The following PDE4D variants were observed in gnomAD, a reference collection of about 807,000 sequenced individuals.
The protein encoded by PDE4D is 3',5'-cyclic-AMP phosphodiesterase 4D.
In PDE4D, 24 loss-of-function variants were observed where a neutral mutation model predicts 87.4. The ratio of observed to expected loss-of-function variants is 0.27; its 90% CI spans 0.20 to 0.39. The LOEUF is 0.39. Among genes scored for constraint, PDE4D ranks in the 10% least tolerant of loss-of-function variants. The pLI is 1.00. For missense variants in PDE4D, 714 were observed against 1,041.0 expected, an observed-to-expected ratio of 0.69 and a Z score of 4.32; for synonymous variants, 384 against 383.2, an observed-to-expected ratio of 1.00 and a Z score of -0.02.
intron 1 of PDE4D, among the ~76,000 whole-genome samples, chr5:59,506,910 A>T (rs1809365002): frequency 6.6e-6 from 1 of 152,222 alleles, no homozygotes; most frequent in Non-Finnish European, 1.5e-5. Flanking sequence ...CCTCATAATC[A>T]AGCAATTCCA....
chr5:59,724,841 T>C (rs1457559510), intron 1 of PDE4D, among the ~76,000 whole-genome samples: 1 of 152,172 alleles, frequency 6.6e-6, no homozygotes, highest in Non-Finnish European at 1.5e-5. Flanking sequence ...TTATTTTTGT[T>C]TTTGCTGAAG....
At chr5:59,925,274 G>A (rs1287749665) in intron 3 of PDE4D, among the ~76,000 whole-genome samples, 1 of 151,706 alleles carries the variant, frequency 6.6e-6, no homozygotes, top group Non-Finnish European at 1.5e-5. Flanking sequence ...GTTTGTTTAT[G>A]CAATCAGTTT....
rs902519218 is a variant in PDE4D at position 60,215,644 on chromosome 5, A to G, written c.-89-29957T>C. Reference sequence around the variant, plus strand: ...ATGTTTAGGGACGTATCTTTTATCTACTTCTTAAAGTGTGATCCCTGGACA... The same window carrying G: ...ATGTTTAGGGACGTATCTTTTATCTGCTTCTTAAAGTGTGATCCCTGGACA... On this transcript the variant is annotated intron_variant, in intron 1 of 16. Transcript: ENST00000502484. Among the ~76,000 whole-genome samples, 4 of 152,112 alleles carry G rather than the reference A, an allele frequency of 2.6e-5. No individual in the cohort carries two copies. In the South Asian group the frequency reaches 8.3e-4, roughly 31 times the overall value.
At chr5:59,345,541 C>T (rs998780918) in intron 1 of PDE4D, among the ~76,000 whole-genome samples, 1 of 152,118 alleles carries the variant, frequency 6.6e-6, no homozygotes, top group African/African-American at 2.4e-5. Context: ...ACATAGTATT[C>T]ATCATGAGGA....
In PDE4D at chr5:60,107,495, C is replaced by T. The variant is rs544899817; in HGVS notation, c.42+78062G>A. Among the ~76,000 whole-genome samples, 1,090 of 152,308 alleles carry T rather than the reference C, an allele frequency of 7.2e-3. 12 individuals are homozygous for T. The highest frequency in any genetic ancestry group is 0.025 in the African/African-American group (1,045 of 41,556). ...TCAATAGAAAAAGAGGGAATCCTCC[C>T]TAACTCATTTGATGAGGCCAGCATC... On this transcript the variant is annotated intron_variant, in intron 2 of 16. Coordinates refer to the PDE4D transcript ENST00000502484.
chr5:60,099,182 G>A lies in PDE4D; in HGVS notation c.42+86375C>T, dbSNP rs930767963. Among the ~76,000 whole-genome samples the A allele has an allele frequency of 5.9e-5, 9 of 152,008 alleles. No individual in the cohort carries two copies. The South Asian group carries it at 1.0e-3, about 18-fold the overall frequency. ...AGAAATCTGCTTGTAGCCTTTGTGAGTACCCTTCCATGTGATGAGTAGTTT... is the reference window on the plus strand; with the variant it reads ...AGAAATCTGCTTGTAGCCTTTGTGAATACCCTTCCATGTGATGAGTAGTTT... On this transcript the variant is annotated intron_variant, in intron 2 of 16. Coordinates refer to the PDE4D transcript ENST00000502484.
chr5:59,932,572 C>A (rs1448614615), intron 3 of PDE4D, among the ~76,000 whole-genome samples: 1 of 152,188 alleles, frequency 6.6e-6, no homozygotes, highest in Non-Finnish European at 1.5e-5. Context: ...GGTAATCTGA[C>A]TTTCAAGTTT....
rs952136783 is a variant in PDE4D at position 59,661,058 on chromosome 5, C to T, written c.455+232110G>A. 6.4e-5 allele frequency among the ~76,000 whole-genome samples: 8 copies of T among 125,652 alleles called. No homozygotes were observed. The East Asian group carries it at 1.8e-3, about 28-fold the overall frequency. 82.4% of individuals were successfully genotyped at this position (125,652 alleles called of 152,430 possible). A position where few individuals can be genotyped will look rare whatever the true frequency, so the allele number is the denominator to read the frequency against. ...TCCCAGGAGCAGTTTGCCAGCACTG[C>T]ATTTTCATGATAATATTATATATAT... On this transcript the variant is annotated intron_variant, in intron 1 of 14. Coordinates refer to ENST00000340635, the MANE Select transcript of PDE4D (RefSeq NM_001104631.2).
intron 1 of PDE4D, among the ~76,000 whole-genome samples, chr5:59,434,668 A>C (rs1198074635): frequency 6.6e-6 from 1 of 152,082 alleles, no homozygotes; most frequent in African/African-American, 2.4e-5. Flanking sequence ...TAGCTAGTTC[A>C]TTTGAGCATT....
intron 1 of PDE4D, among the ~76,000 whole-genome samples, chr5:59,636,484 A>C (rs1339852386): frequency 1.3e-5 from 2 of 152,104 alleles, no homozygotes; most frequent in East Asian, 1.9e-4. Context: ...GGAAGCATCA[A>C]GCTACCTGAC....
At chr5:59,980,482 G>A (rs142270155) in intron 3 of PDE4D, among the ~76,000 whole-genome samples, 158 of 152,300 alleles carry the variant, frequency 1.0e-3, no homozygotes, top group Non-Finnish European at 7.4e-4. Context: ...TGAAAATAGG[G>A]ACTAGATGCT....
intron 1 of PDE4D, among the ~76,000 whole-genome samples, chr5:60,229,466 GT>G (rs1459614216): frequency 3.9e-5 from 6 of 152,212 alleles, no homozygotes; most frequent in East Asian, 1.9e-4. Flanking sequence ...GATTGCTAAA[GT>G]TTTTTACGCT....
intron 2 of PDE4D, among the ~76,000 whole-genome samples, chr5:60,148,052 G>T (rs950464555): frequency 6.6e-6 from 1 of 152,148 alleles, no homozygotes; most frequent in African/African-American, 2.4e-5. Flanking sequence ...GATCACTGGA[G>T]GCCATCTTGG....
intron 2 of PDE4D, among the ~76,000 whole-genome samples, chr5:60,134,917 G>A (rs1221162426): frequency 6.6e-6 from 1 of 152,084 alleles, no homozygotes; most frequent in Admixed American, 6.5e-5. Flanking sequence ...AAAGGATTCA[G>A]GATTTACACC....
chr5:60,363,982 C>T (rs1760306364), intron 1 of PDE4D, among the ~76,000 whole-genome samples: 3 of 152,090 alleles, frequency 2.0e-5, no homozygotes, highest in Admixed American at 2.0e-4. Context: ...CATGGGCTGG[C>T]CCAAGTAGGT....
intron 5 of PDE4D, among the ~76,000 whole-genome samples, chr5:59,094,718 T>C (rs1308011331): frequency 6.6e-6 from 1 of 152,204 alleles, no homozygotes; most frequent in Non-Finnish European, 1.5e-5. Context: ...ATTTTTAACA[T>C]AGAATCCAAT....
At chr5:59,707,066 G>T (rs570161896) in intron 1 of PDE4D, among the ~76,000 whole-genome samples, 2 of 152,206 alleles carry the variant, frequency 1.3e-5, no homozygotes, top group South Asian at 2.1e-4. Flanking sequence ...CCTTGTTAAA[G>T]AATTTCTTTT....
At chr5:59,950,121 A>G (rs964453605) in intron 3 of PDE4D, among the ~76,000 whole-genome samples, 2 of 152,108 alleles carry the variant, frequency 1.3e-5, no homozygotes, top group African/African-American at 4.8e-5. Flanking sequence ...AGATCTTTAC[A>G]TTTTTGGTAC....
rs199718997 is a variant in PDE4D, at chr5:59,926,138, T to TA, written c.272+62349dup. 6.6e-3 allele frequency among the ~76,000 whole-genome samples: 1,009 copies of TA among 151,924 alleles called. 12 individuals carry two copies. The highest frequency in any genetic ancestry group is 0.023 in the African/African-American group (965 of 41,446). ...GGCCACAAAATAAGTCTTAAAACAT[T>TA]AAAAAAAATTGAAATAATAGAAAGT... On this transcript the variant is annotated intron_variant, in intron 3 of 16. Coordinates refer to the PDE4D transcript ENST00000502484.
Sources: allele counts gnomAD v4.1 joint callset (sites outside exome capture counted in the v4.1 genomes callset), GRCh38; gene constraint gnomAD v4.1.1; transcripts MANE v1.5; gene names NCBI Gene and HGNC (gene_info 2026-07-23, HGNC 2026-07-21).